The following SLC35F4 variants were observed in gnomAD, a reference collection of about 807,000 sequenced individuals.
The protein encoded by SLC35F4 is solute carrier family 35 member F4, also known as chromosome 14 open reading frame 36.
Under a neutral mutation model 44.2 loss-of-function variants are expected in SLC35F4, and 24 were observed. That is an observed-to-expected ratio of 0.54 (90% CI 0.39 to 0.76). The LOEUF (loss-of-function observed/expected upper bound fraction) is 0.76. SLC35F4 is among the 30% of genes least tolerant of loss of function. The pLI, the probability that SLC35F4 is intolerant of heterozygous loss-of-function variation, is 0.00. For synonymous variants in SLC35F4, 238 were observed against 223.6 expected (o/e 1.06, Z -0.57); for missense variants, 562 against 586.1 (o/e 0.96, Z 0.42).
At chr14:57,895,680 G>T (rs970911782) in intron 1 of SLC35F4, among the ~76,000 whole-genome samples, 2 of 151,884 alleles carry the variant, frequency 1.3e-5, no homozygotes, top group African/African-American at 2.4e-5. Flanking sequence ...TGCTATGATC[G>T]TAAGTTTCCT....
intron 1 of SLC35F4, among the ~76,000 whole-genome samples, chr14:57,618,207 T>C (rs1448753987): frequency 1.3e-5 from 2 of 152,300 alleles, no homozygotes; most frequent in East Asian, 3.9e-4. Flanking sequence ...TTATGTATAT[T>C]TGGCATAAAG....
intron 1 of SLC35F4, among the ~76,000 whole-genome samples, chr14:57,616,485 T>C (rs938509657): frequency 9.2e-5 from 14 of 152,174 alleles, no homozygotes; most frequent in Non-Finnish European, 2.1e-4. Flanking sequence ...ACAAGAGGAT[T>C]CTTGCCCCCT....
At chr14:57,581,995 T>C (rs1247714571) in intron 3 of SLC35F4, among the ~76,000 whole-genome samples, 3 of 152,240 alleles carry the variant, frequency 2.0e-5, no homozygotes, top group Non-Finnish European at 4.4e-5. Context: ...GTCCCTGTGA[T>C]AACTCCCACA....
intron 1 of SLC35F4, among the ~76,000 whole-genome samples, chr14:57,704,340 C>T (rs1435879408): frequency 6.6e-6 from 1 of 152,074 alleles, no homozygotes; most frequent in African/African-American, 2.4e-5. Context: ...CTGTGTGGGA[C>T]CTGAACTTCT....
At chr14:57,898,185 T>C (rs1888925022) in intron 1 of SLC35F4, among the ~76,000 whole-genome samples, 1 of 152,214 alleles carries the variant, frequency 6.6e-6, no homozygotes, top group South Asian at 2.1e-4. Context: ...CAAAACAAGA[T>C]TAGTTTGCTA....
intron 1 of SLC35F4, among the ~76,000 whole-genome samples, chr14:57,906,423 T>A (rs1889104438): frequency 6.6e-6 from 1 of 152,190 alleles, no homozygotes; most frequent in South Asian, 2.1e-4. Context: ...TTTTTTAAGT[T>A]TTTTGGTATT....
intron 1 of SLC35F4, among the ~76,000 whole-genome samples, chr14:57,785,947 G>A (rs2077746376): frequency 6.6e-6 from 1 of 152,132 alleles, no homozygotes; most frequent in Non-Finnish European, 1.5e-5. Context: ...CGCAAATCCA[G>A]TGTGCAGACT....
intron 1 of SLC35F4, among the ~76,000 whole-genome samples, chr14:57,638,987 C>T (rs77751349): frequency 0.011 from 1,707 of 152,144 alleles, 26 homozygotes; most frequent in African/African-American, 0.038. Flanking sequence ...CTGGACTTTT[C>T]GGTGTCATAA....
intron 1 of SLC35F4, among the ~76,000 whole-genome samples, chr14:57,776,973 T>C (rs1318919798): frequency 6.6e-6 from 1 of 152,192 alleles, no homozygotes; most frequent in Non-Finnish European, 1.5e-5. Context: ...GAAAGATGGT[T>C]ATCAGCCACT....
intron 1 of SLC35F4, among the ~76,000 whole-genome samples, chr14:57,944,704 A>C (rs113925019): frequency 1.4e-5 from 1 of 70,382 alleles, no homozygotes. Flanking sequence ...GAAAAGAAAG[A>C]AAGAAAGAAA....
intron 1 of SLC35F4, among the ~76,000 whole-genome samples, chr14:57,728,451 T>C (rs112477623): frequency 7.8e-6 from 1 of 128,814 alleles, no homozygotes; most frequent in South Asian, 2.8e-4. Flanking sequence ...CTTTTTTTTT[T>C]TTTTTTTTTT....
At chr14:57,591,881 C>T (rs115178546) in intron 2 of SLC35F4, among the ~76,000 whole-genome samples, 3 of 152,356 alleles carry the variant, frequency 2.0e-5, no homozygotes, top group South Asian at 2.1e-4. Flanking sequence ...CAATATCTGC[C>T]TTTACTGTCA....
intron 4 of SLC35F4, among the ~76,000 whole-genome samples, chr14:57,575,495 A>C (rs1448711390): frequency 2.0e-5 from 3 of 152,098 alleles, no homozygotes; most frequent in Non-Finnish European, 2.9e-5. Flanking sequence ...ACAAACAAAA[A>C]AGATGGGGAA....
chr14:57,647,466 C>A (rs145739804), intron 1 of SLC35F4, among the ~76,000 whole-genome samples: 1 of 150,586 alleles, frequency 6.6e-6, no homozygotes, highest in East Asian at 2.0e-4. Context: ...TGGTGTCTTA[C>A]AATCACTGTT....
chr14:57,902,523 A>G (rs1889023486), intron 1 of SLC35F4, among the ~76,000 whole-genome samples: 1 of 151,014 alleles, frequency 6.6e-6, no homozygotes, highest in Non-Finnish European at 1.5e-5. Context: ...AGATCACGCC[A>G]TTGCACTCCA....
At chr14:57,701,345 G>A (rs571923342) in intron 1 of SLC35F4, among the ~76,000 whole-genome samples, 43 of 152,224 alleles carry the variant, frequency 2.8e-4, no homozygotes, top group African/African-American at 8.4e-4. Context: ...CCTCCTGAAA[G>A]ACCTGCCTGA....
At chr14:57,615,935 G>C (rs572632447) in intron 1 of SLC35F4, among the ~76,000 whole-genome samples, 1 of 152,236 alleles carries the variant, frequency 6.6e-6, no homozygotes, top group Non-Finnish European at 1.5e-5. Context: ...TACTAACTGA[G>C]CACCTGACCC....
intron 1 of SLC35F4, among the ~76,000 whole-genome samples, chr14:57,755,004 C>T (rs890807646): frequency 9.9e-5 from 15 of 152,210 alleles, no homozygotes; most frequent in African/African-American, 3.1e-4. Context: ...AAAGGGAGCC[C>T]GGGCCCAGCA....
chr14:57,622,725 C>T (rs1390017785), intron 1 of SLC35F4, among the ~76,000 whole-genome samples: 4 of 151,790 alleles, frequency 2.6e-5, no homozygotes, highest in East Asian at 1.9e-4. Context: ...TGCTAGATGA[C>T]GAGTTAGTGG....
Sources: gnomAD v4.1 joint callset for allele counts (sites outside exome capture counted in the v4.1 genomes callset) on GRCh38, gnomAD v4.1.1 for gene constraint, MANE v1.5 for transcripts, NCBI Gene and HGNC (gene_info 2026-07-23, HGNC 2026-07-21) for gene names.